Variants in ZNF618 observed in about 807,000 individuals in gnomAD.
ZNF618 encodes the protein neural precursor cell expressed, developmentally down-regulated 10.
ZNF618 carries 34 observed loss-of-function variants against 103.0 expected under a neutral mutation model. That is an observed-to-expected ratio of 0.33 (90% confidence interval 0.25 to 0.44). ZNF618 has a LOEUF of 0.44. ZNF618 is among the 20% of genes least tolerant of loss of function. ZNF618 has a pLI of 1.00. For synonymous variants in ZNF618, 551 were observed against 542.2 expected (o/e 1.02, Z -0.23); for missense variants, 1,059 against 1,295.4 (o/e 0.82, Z 2.80).
At chr9:114,019,631 C>T (rs1161805564) in intron 10 of ZNF618, among the ~76,000 whole-genome samples, 1 of 152,226 alleles carries the variant, frequency 6.6e-6, no homozygotes, top group African/African-American at 2.4e-5. Context: ...TGGCCACTTA[C>T]ATATTTTACT....
intron 13 of ZNF618, among the ~76,000 whole-genome samples, chr9:114,040,512 G>C (rs1223024836): frequency 1.3e-5 from 2 of 152,046 alleles, no homozygotes; most frequent in Non-Finnish European, 2.9e-5. Flanking sequence ...CCCGGTGTGT[G>C]ATGTTCCCCT....
chr9:113,910,832 TTTTTC>T (rs937890881), intron 1 of ZNF618, among the ~76,000 whole-genome samples: 2 of 149,086 alleles, frequency 1.3e-5, no homozygotes, highest in African/African-American at 4.9e-5. Flanking sequence ...GCTTTTTCTT[TTTTTC>T]TTTTTTTTTT....
chr9:113,887,152 C>T (rs1426168658), intron 1 of ZNF618, among the ~76,000 whole-genome samples: 1 of 151,836 alleles, frequency 6.6e-6, no homozygotes, highest in African/African-American at 2.4e-5. Flanking sequence ...TCACACAACA[C>T]CGTCATCAGA....
chr9:113,995,071 C>T (rs1840439615), intron 3 of ZNF618, among the ~76,000 whole-genome samples: 1 of 152,134 alleles, frequency 6.6e-6, no homozygotes, highest in Non-Finnish European at 1.5e-5. Context: ...CTTTAACAGT[C>T]AGAAATTTTA....
chr9:113,931,997 G>A (rs763398651), intron 1 of ZNF618, among the ~76,000 whole-genome samples: 7 of 152,250 alleles, frequency 4.6e-5, no homozygotes, highest in African/African-American at 4.8e-5. Context: ...TTTATAGATC[G>A]TCTGCTGTGG....
intron 1 of ZNF618, among the ~76,000 whole-genome samples, chr9:113,915,944 G>A (rs1021356848): frequency 1.3e-5 from 2 of 152,136 alleles, no homozygotes; most frequent in Non-Finnish European, 2.9e-5. Flanking sequence ...TTAAATATTC[G>A]TTGAGTGAAT....
intron 1 of ZNF618, among the ~76,000 whole-genome samples, chr9:113,888,872 G>C (rs1829329160): frequency 6.6e-6 from 1 of 152,168 alleles, no homozygotes; most frequent in African/African-American, 2.4e-5. Context: ...AAACAGCTGA[G>C]GTAAGAGAGG....
At chr9:113,889,799 C>G (rs1829452913) in intron 1 of ZNF618, among the ~76,000 whole-genome samples, 1 of 152,206 alleles carries the variant, frequency 6.6e-6, no homozygotes, top group Admixed American at 6.6e-5. Flanking sequence ...GTGTGACTGT[C>G]TGTTCTTCTG....
At chr9:113,996,318 A>G (rs1316544360) in intron 3 of ZNF618, among the ~76,000 whole-genome samples, 2 of 152,194 alleles carry the variant, frequency 1.3e-5, no homozygotes, top group African/African-American at 4.8e-5. Flanking sequence ...GTCCATTGTA[A>G]GGAACCAGCC....
chr9:113,926,935 C>A (rs1833151787), intron 1 of ZNF618, among the ~76,000 whole-genome samples: 1 of 152,182 alleles, frequency 6.6e-6, no homozygotes. Flanking sequence ...ATCACTTGAG[C>A]CTGGGAGGCA....
chr9:114,008,872 A>C (rs938063086), intron 9 of ZNF618, among the ~76,000 whole-genome samples: 4 of 152,196 alleles, frequency 2.6e-5, no homozygotes, highest in African/African-American at 9.6e-5. Context: ...AGTGAGGATG[A>C]CATTTCCCCA....
Position 114,051,258 on chromosome 9 carries a change from T to C in ZNF618, c.*1091T>C, listed in dbSNP as rs57372929. 6.7e-4 allele frequency: 102 copies of C among 152,766 alleles called. No individual in the cohort carries two copies. Among genetic ancestry groups the C allele is most frequent in the African/African-American group, 2.4e-3 (101 of 41,568 alleles). 9.5% of individuals were successfully genotyped at this position (152,766 alleles called of 1,614,324 possible). A position where few individuals can be genotyped will look rare whatever the true frequency, so the allele number is the denominator to read the frequency against. On this transcript the variant is annotated 3_prime_UTR_variant, in exon 15 of 15. Transcript: ENST00000374126. ...TGTACTCAGTATCCTACAGTCTTTC[T>C]TGGCCTTCCCTGTACAGTTCAGTTT...
At chr9:113,937,828 T>G (rs935318782) in intron 1 of ZNF618, among the ~76,000 whole-genome samples, 1 of 152,152 alleles carries the variant, frequency 6.6e-6, no homozygotes, top group Non-Finnish European at 1.5e-5. Flanking sequence ...GGATCTGCCA[T>G]TGGGCTTTTT....
chr9:113,902,903 C>T (rs1196026093), intron 1 of ZNF618, among the ~76,000 whole-genome samples: 1 of 152,200 alleles, frequency 6.6e-6, no homozygotes, highest in Non-Finnish European at 1.5e-5. Context: ...TTTGCCTTAA[C>T]TGTCCCCCCT....
At position 114,047,876 on chromosome 9, in the gene ZNF618, C is replaced by G. The variant is rs1845796469; in HGVS notation, c.1247-17C>G. The G allele has an allele frequency of 2.5e-6, 4 of 1,582,542 alleles. No homozygotes were observed. In the Admixed American group the frequency reaches 7.2e-5, roughly 29 times the overall value. ...CTTACCCTTCCAGGTAACACACTGT[C>G]CCCTTTGTGCCCACAGCTGACAATG... On this transcript the variant is annotated splice_polypyrimidine_tract_variant and intron_variant, in intron 13 of 14. Coordinates refer to ENST00000374126, the MANE Select transcript of ZNF618 (RefSeq NM_001318042.2).
intron 11 of ZNF618, among the ~76,000 whole-genome samples, chr9:114,029,180 C>T (rs1236417185): frequency 6.6e-6 from 1 of 152,156 alleles, no homozygotes; most frequent in African/African-American, 2.4e-5. Flanking sequence ...AGTCTTCTCA[C>T]CTTAAATCAG....
Position 114,052,980 on chromosome 9 carries a change from A to G in ZNF618, c.*2813A>G, listed in dbSNP as rs1013657572. The G allele has an allele frequency of 1.3e-5, 2 of 152,258 alleles. No individual in the cohort carries two copies. The highest frequency in any genetic ancestry group is 4.8e-5 in the African/African-American group (2 of 41,452). The allele number at this position is 152,258 out of a possible 1,614,324, so 9.4% of individuals were successfully genotyped here. A position where few individuals can be genotyped will look rare whatever the true frequency, so the allele number is the denominator to read the frequency against. On this transcript the variant is annotated 3_prime_UTR_variant, in exon 15 of 15. Transcript: ENST00000374126. The stretch of plus-strand genomic sequence containing the variant: ...CCTCTGCAGGTTTGATGTGAATGCC[A>G]CTGGGTACTCAGAAAGCTGTCCTCT...
chr9:113,926,686 C>G (rs1316243249), intron 1 of ZNF618, among the ~76,000 whole-genome samples: 1 of 152,114 alleles, frequency 6.6e-6, no homozygotes, highest in Non-Finnish European at 1.5e-5. Context: ...TCCACCTTTT[C>G]CATTAGAGCA....
At chr9:113,929,578 C>A (rs1200246666) in intron 1 of ZNF618, among the ~76,000 whole-genome samples, 2 of 152,112 alleles carry the variant, frequency 1.3e-5, no homozygotes, top group South Asian at 2.1e-4. Flanking sequence ...GACAGGGATA[C>A]AGTAAGGGCT....
Sources: allele counts gnomAD v4.1 joint callset (sites outside exome capture counted in the v4.1 genomes callset), GRCh38; gene constraint gnomAD v4.1.1; transcripts MANE v1.5; gene names NCBI Gene and HGNC (gene_info 2026-07-23, HGNC 2026-07-21).